The following DLGAP1 variants were observed in gnomAD, a reference collection of about 807,000 sequenced individuals.
DLGAP1 encodes the protein disks large-associated protein 1.
In DLGAP1, 11 loss-of-function variants were observed where a neutral mutation model predicts 90.8. The observed-to-expected ratio is 0.12, with a 90% CI of 0.08 to 0.20. The LOEUF is 0.20. DLGAP1 is among the 10% of genes least tolerant of loss of function. The pLI is 1.00. For synonymous variants in DLGAP1, 558 were observed against 540.7 expected, an observed-to-expected ratio of 1.03 and a Z score of -0.44; for missense variants, 1,050 against 1,333.8, an observed-to-expected ratio of 0.79 and a Z score of 3.31.
In DLGAP1 at chr18:3,739,901, C is replaced by A. The variant is rs147146990; in HGVS notation, c.1350+2434G>T. ...TATTTTACCTAAGGCCGAATGGCTA[C>A]GTCATGGAATTGCAGTGCTTGACCT... On this transcript the variant is annotated intron_variant, in intron 6 of 12. Coordinates refer to ENST00000315677, the MANE Select transcript of DLGAP1 (RefSeq NM_004746.4). Among the ~76,000 whole-genome samples the A allele has an allele frequency of 1.1e-3, 164 of 152,266 alleles. 2 individuals are homozygous for A. The highest frequency in any genetic ancestry group is 3.8e-3 in the African/African-American group (159 of 41,568).
At chr18:3,861,400 TA>T (rs2070047338) in intron 4 of DLGAP1, among the ~76,000 whole-genome samples, 1 of 152,226 alleles carries the variant, frequency 6.6e-6, no homozygotes, top group Non-Finnish European at 1.5e-5. Context: ...TTAAATGTCA[TA>T]ATTTAAACTT....
chr18:3,523,468 G>A (rs537355125), intron 10 of DLGAP1, among the ~76,000 whole-genome samples: 18 of 152,164 alleles, frequency 1.2e-4, no homozygotes, highest in African/African-American at 4.3e-4. Context: ...AATAAGGTTT[G>A]CAGACTATAA....
chr18:4,210,727 A>G (rs935441730), intron 1 of DLGAP1, among the ~76,000 whole-genome samples: 1 of 152,198 alleles, frequency 6.6e-6, no homozygotes, highest in Non-Finnish European at 1.5e-5. Flanking sequence ...GCTATATAAA[A>G]ACCAAAATTT....
chr18:4,226,785 AGAAAAGAAG>A (rs2078199501), intron 1 of DLGAP1, among the ~76,000 whole-genome samples: 1 of 151,828 alleles, frequency 6.6e-6, no homozygotes, highest in Non-Finnish European at 1.5e-5. Context: ...CCAGGAAGGA[AGAAAAGAAG>A]GAAAAGAAGA....
intron 1 of DLGAP1, among the ~76,000 whole-genome samples, chr18:4,291,347 G>C (rs1175791971): frequency 6.6e-6 from 1 of 152,096 alleles, no homozygotes; most frequent in Non-Finnish European, 1.5e-5. Context: ...GGCTCTTCCT[G>C]CTTGGTTTTA....
intron 7 of DLGAP1, among the ~76,000 whole-genome samples, chr18:3,677,571 A>T (rs2060352185): frequency 6.6e-6 from 1 of 152,250 alleles, no homozygotes; most frequent in Non-Finnish European, 1.5e-5. Context: ...AGCTAAATAG[A>T]CAGAGATCCA....
chr18:3,723,036 C>T (rs7359820), intron 7 of DLGAP1, among the ~76,000 whole-genome samples: 25,145 of 152,132 alleles, frequency 0.17, 3,103 homozygotes, highest in African/African-American at 0.35. Flanking sequence ...GTTTCCTTAC[C>T]TTTGAATGGG....
intron 7 of DLGAP1, among the ~76,000 whole-genome samples, chr18:3,677,895 G>A (rs1034862245): frequency 2.0e-5 from 3 of 150,288 alleles, no homozygotes; most frequent in Non-Finnish European, 2.9e-5. Context: ...CTGACCTCAA[G>A]TGATCTGCCT....
intron 9 of DLGAP1, among the ~76,000 whole-genome samples, chr18:3,544,933 G>A (rs1220354685): frequency 6.6e-6 from 1 of 151,682 alleles, no homozygotes; most frequent in African/African-American, 2.4e-5. Context: ...ATTCTATTTT[G>A]TATATATACA....
intron 2 of DLGAP1, among the ~76,000 whole-genome samples, chr18:4,124,300 C>CT (rs926176183): frequency 1.3e-4 from 20 of 152,144 alleles, no homozygotes; most frequent in African/African-American, 4.8e-4. Flanking sequence ...TTCTCCACCC[C>CT]TACACCTCCA....
intron 2 of DLGAP1, among the ~76,000 whole-genome samples, chr18:4,039,718 A>G (rs1307200616): frequency 6.6e-6 from 1 of 152,228 alleles, no homozygotes; most frequent in African/African-American, 2.4e-5. Flanking sequence ...TGGTGATAAC[A>G]CTAACTTATT....
intron 5 of DLGAP1, among the ~76,000 whole-genome samples, chr18:3,772,458 C>CTCTTTCTTTCTTTCTTTCTT (rs10667751): frequency 3.9e-4 from 33 of 83,806 alleles, no homozygotes; most frequent in African/African-American, 1.4e-3. Flanking sequence ...CCCCACCCCC[C>CTCTTTCTTTCTTTCTTTCTT]TCTTTCTTTC....
chr18:3,776,905 C>A (rs1416717871), intron 5 of DLGAP1, among the ~76,000 whole-genome samples: 1 of 152,196 alleles, frequency 6.6e-6, no homozygotes, highest in Admixed American at 6.5e-5. Flanking sequence ...ATCCTTCCAC[C>A]TCAGCCTCAT....
At chr18:3,741,062 C>A (rs2062927747) in intron 6 of DLGAP1, among the ~76,000 whole-genome samples, 1 of 117,912 alleles carries the variant, frequency 8.5e-6, no homozygotes, top group Admixed American at 8.2e-5. Context: ...CCACCATCAC[C>A]ACCACCACCA....
intron 2 of DLGAP1, among the ~76,000 whole-genome samples, chr18:4,073,525 T>A (rs564272150): frequency 6.6e-6 from 1 of 152,132 alleles, no homozygotes; most frequent in African/African-American, 2.4e-5. Flanking sequence ...CGGAGGATAA[T>A]GAAGGGGGAA....
chr18:4,028,675 A>G (rs924725717), intron 2 of DLGAP1, among the ~76,000 whole-genome samples: 3 of 152,186 alleles, frequency 2.0e-5, no homozygotes, highest in African/African-American at 7.2e-5. Context: ...CCTTTATCAC[A>G]TCCAGTCACG....
intron 5 of DLGAP1, among the ~76,000 whole-genome samples, chr18:3,744,474 A>G (rs1168257461): frequency 6.6e-6 from 1 of 152,178 alleles, no homozygotes; most frequent in Non-Finnish European, 1.5e-5. Context: ...AAACCCCCAC[A>G]ACAATTTTCC....
chr18:4,265,117 T>TCCTTCCTC (rs2079079200), intron 1 of DLGAP1, among the ~76,000 whole-genome samples: 1 of 151,120 alleles, frequency 6.6e-6, no homozygotes, highest in African/African-American at 2.5e-5. Context: ...CTTCCTTCCT[T>TCCTTCCTC]CCTTCCTTCC....
At chr18:3,712,918 T>C (rs1197577289) in intron 7 of DLGAP1, among the ~76,000 whole-genome samples, 1 of 152,252 alleles carries the variant, frequency 6.6e-6, no homozygotes, top group Non-Finnish European at 1.5e-5. Context: ...GAAGTTGTTC[T>C]ACTGGTACTG....
Sources: allele counts gnomAD v4.1 joint callset (sites outside exome capture counted in the v4.1 genomes callset), GRCh38; gene constraint gnomAD v4.1.1; transcripts MANE v1.5; gene names NCBI Gene and HGNC (gene_info 2026-07-23, HGNC 2026-07-21).